PRPF31: variants seen among roughly 807,000 people sequenced by gnomAD.
The protein encoded by PRPF31 is U4/U6 small nuclear ribonucleoprotein Prp31.
In PRPF31, 12 loss-of-function variants were observed where a neutral mutation model predicts 60.4. That is an observed-to-expected ratio of 0.20 (90% CI 0.13 to 0.32). The LOEUF (loss-of-function observed/expected upper bound fraction) is 0.32, where lower values mean the gene tolerates loss of function less well. Among genes scored for constraint, PRPF31 ranks in the 10% least tolerant of loss-of-function variants. The pLI, the probability that PRPF31 is intolerant of heterozygous loss-of-function variation, is 1.00. For synonymous variants in PRPF31, 287 were observed against 287.9 expected, an observed-to-expected ratio of 1.00 and a Z score of 0.03; for missense variants, 431 against 687.1, an observed-to-expected ratio of 0.63 and a Z score of 4.17.
At chr19:54,118,763 C>A in intron 3 of PRPF31, 130 bp downstream of exon 3, 4 of 848,246 alleles carry the variant, frequency 4.7e-6, no homozygotes. Context: ...TTTTTTGTTT[C>A]ACCCCAACCC....
intron 9 of PRPF31, among the ~76,000 whole-genome samples, chr19:54,127,321 C>T (rs1262830494): frequency 2.6e-5 from 4 of 152,086 alleles, no homozygotes; most frequent in African/African-American, 9.7e-5. Context: ...CCTCTGTCTG[C>T]GGAGCCAGCC....
chr19:54,124,989 C>T lies in PRPF31; in HGVS notation c.855+333C>T, dbSNP rs140427655. ...AGGCCTAGCTCACGACAAGCAGCGTCGGGTTAGCGTGCAACTGCTCCGAAG... is the reference window on the plus strand; with the variant it reads ...AGGCCTAGCTCACGACAAGCAGCGTTGGGTTAGCGTGCAACTGCTCCGAAG... On this transcript the variant is annotated intron_variant, in intron 8 of 13. Transcript: ENST00000321030. 4,467 of 478,410 alleles carry T rather than the reference C, an allele frequency of 9.3e-3. 41 individuals are homozygous for T. The highest frequency in any genetic ancestry group is 0.03 in the South Asian group (1,319 of 44,222). 29.6% of individuals were successfully genotyped at this position (478,410 alleles called of 1,614,324 possible).
chr19:54,128,385 T>C lies in PRPF31; in HGVS notation c.1146+8T>C. ...CGTATGAGCTTCGGAGAGGTCAGACTCCCAGAGCGCCCTCCTCAACCCCAC... is the reference window on the plus strand; with the variant it reads ...CGTATGAGCTTCGGAGAGGTCAGACCCCCAGAGCGCCCTCCTCAACCCCAC... On this transcript the variant is annotated splice_region_variant and intron_variant, in intron 11 of 13. Coordinates refer to ENST00000321030, the MANE Select transcript of PRPF31 (RefSeq NM_015629.4). The C allele has an allele frequency of 6.5e-7, 1 of 1,537,648 alleles. No individual in the cohort carries two copies. The highest frequency in any genetic ancestry group is 1.2e-5 in the South Asian group (1 of 83,686).
At chr19:54,122,785 C>G (rs973195785) in intron 5 of PRPF31, 191 bp downstream of exon 5, 5 of 666,490 alleles carry the variant, frequency 7.5e-6, no homozygotes, top group African/African-American at 1.8e-5. Context: ...CCCTCCAACC[C>G]CAGTCTCCCG....
At chr19:54,122,721 C>A in intron 5 of PRPF31, 127 bp downstream of exon 5, 1 of 805,032 alleles carries the variant, frequency 1.2e-6, no homozygotes, top group South Asian at 1.4e-5. Flanking sequence ...GCTCAGTGGT[C>A]TGCTCTGCCC....
At chr19:54,116,793 G>C (rs1247246879) in intron 1 of PRPF31, among the ~76,000 whole-genome samples, 7 of 152,168 alleles carry the variant, frequency 4.6e-5, no homozygotes, top group African/African-American at 1.7e-4. Context: ...GGAGATGCTG[G>C]GCTACTAAGA....
At chr19:54,127,125 A>AAAAAC (rs1161791007) in intron 9 of PRPF31, among the ~76,000 whole-genome samples, 1 of 152,214 alleles carries the variant, frequency 6.6e-6, no homozygotes, top group Non-Finnish European at 1.5e-5. Flanking sequence ...ATCTAAAAAC[A>AAAAAC]AAAACAAAAA....
chr19:54,123,318 C>T (rs1454515774), intron 5 of PRPF31, 136 bp from the exon 6 acceptor site: 4 of 752,060 alleles, frequency 5.3e-6, no homozygotes, highest in Non-Finnish European at 9.6e-6. Context: ...GCGGTGGAGG[C>T]AGGAGAGGCC....
In PRPF31 at chr19:54,131,497, G is replaced by A; in HGVS notation, c.*65G>A. ...CACAGAGGTCCAGTCCTTCTGAAGG[G>A]CTAGGATCGGGTTCTGGCAGGGAGA... On this transcript the variant is annotated 3_prime_UTR_variant, in exon 14 of 14. Coordinates refer to ENST00000321030, the MANE Select transcript of PRPF31 (RefSeq NM_015629.4). 6.3e-7 allele frequency: 1 copy of A among 1,590,746 alleles called. No homozygotes were observed. The highest frequency in any genetic ancestry group is 8.6e-7 in the Non-Finnish European group (1 of 1,168,058).
chr19:54,127,565 G>A (rs1438348677), intron 9 of PRPF31, among the ~76,000 whole-genome samples: 1 of 152,198 alleles, frequency 6.6e-6, no homozygotes, highest in African/African-American at 2.4e-5. Context: ...TGTGTGTGTT[G>A]GTGGGGGCGT....
At chr19:54,123,631 T>G (rs1415445921) in intron 6 of PRPF31, 71 bp downstream of exon 6, 2 of 1,606,184 alleles carry the variant, frequency 1.2e-6, no homozygotes, top group Non-Finnish European at 1.7e-6. Context: ...CACACGCAGG[T>G]GTACACACGC....
intron 9 of PRPF31, among the ~76,000 whole-genome samples, chr19:54,127,574 G>A (rs950528049): frequency 6.6e-6 from 1 of 152,166 alleles, no homozygotes; most frequent in Non-Finnish European, 1.5e-5. Flanking sequence ...TGGTGGGGGC[G>A]TAATTTGCCT....
intron 10 of PRPF31, 50 bp from the exon 11 acceptor site, chr19:54,128,255 C>A: frequency 6.4e-7 from 1 of 1,557,394 alleles, no homozygotes; most frequent in Non-Finnish European, 8.7e-7. Context: ...GAGAAGCCGG[C>A]GTCCTCCTCC....
Position 54,128,383 on chromosome 19 carries a change from A to G in PRPF31, c.1146+6A>G, listed in dbSNP as rs377144143. 21 of 1,541,582 alleles carry G rather than the reference A, an allele frequency of 1.4e-5. No homozygotes were observed. Among genetic ancestry groups the G allele is most frequent in the Non-Finnish European group, 1.8e-5 (21 of 1,144,070 alleles). On this transcript the variant is annotated splice_donor_region_variant and intron_variant, in intron 11 of 13. Transcript: ENST00000321030. ...ACCGTATGAGCTTCGGAGAGGTCAG[A>G]CTCCCAGAGCGCCCTCCTCAACCCC... is the stretch of plus-strand genomic sequence containing the variant.
Position 54,123,485 on chromosome 19 carries a change from A to G in PRPF31, c.452A>G (p.Asn151Ser). Residue 151 changes from asparagine (N) to serine (S), a missense_variant, in exon 6 of 14, where the codon AAC (asparagine) becomes AGC (serine). Asn to Ser is a conservative substitution (Grantham distance 46). This residue lies in a region of PRPF31 where 113 missense variants were observed against 173.8 expected (regional missense o/e 0.65). Transcript: ENST00000321030. ...ELGNSLDKCK[N>S]NENLQQILTN... ...GGCAACAGCCTGGACAAGTGCAAGAACAATGAGAACCTGCAGCAGATCCTC... is the reference window on the plus strand; with the variant it reads ...GGCAACAGCCTGGACAAGTGCAAGAGCAATGAGAACCTGCAGCAGATCCTC... 1 of 1,614,216 alleles carries G rather than the reference A, an allele frequency of 6.2e-7. No homozygotes were observed. The highest frequency in any genetic ancestry group is 8.5e-7 in the Non-Finnish European group (1 of 1,180,030).
intron 5 of PRPF31, chr19:54,122,872 A>G: frequency 1.8e-6 from 1 of 571,322 alleles, no homozygotes; most frequent in South Asian, 2.0e-5. Context: ...TGACATCCGA[A>G]GGTTGACACA....
In PRPF31 at chr19:54,130,608, G is replaced by C. The variant is rs370355186; in HGVS notation, c.1375-699G>C. On this transcript the variant is annotated intron_variant, in intron 13 of 13. Transcript: ENST00000321030. ...CCACTGCACTTCAGCCTGGGCGACA[G>C]AGCCAGACTCTGTCTCAAAAAAAAA... Among the ~76,000 whole-genome samples the C allele has an allele frequency of 1.7e-3, 250 of 150,390 alleles. 3 individuals are homozygous for C. Among genetic ancestry groups the C allele is most frequent in the African/African-American group, 5.6e-3 (231 of 40,898 alleles).
rs112920896 is a variant in PRPF31 at position 54,124,338 on chromosome 19, G to A, written c.698-161G>A. 2.1e-4 allele frequency: 162 copies of A among 761,072 alleles called. No homozygotes were observed. The African/African-American group carries it at 2.5e-3, about 12-fold the overall frequency. The allele number at this position is 761,072 out of a possible 1,614,324, so 47.1% of individuals were successfully genotyped here. On this transcript the variant is annotated intron_variant, in intron 7 of 13. Coordinates refer to ENST00000321030, the MANE Select transcript of PRPF31 (RefSeq NM_015629.4). Reference sequence around the variant, plus strand: ...AGCCTCCTTTGCATCTGCCCCTTGCGGAATGGGCCAGGTCGCCCGCCTGGC... The same window carrying A: ...AGCCTCCTTTGCATCTGCCCCTTGCAGAATGGGCCAGGTCGCCCGCCTGGC...
At chr19:54,115,837 T>C (rs1429626137) in intron 1 of PRPF31, 40 bp downstream of exon 1, 2 of 210,458 alleles carry the variant, frequency 9.5e-6, no homozygotes, top group Non-Finnish European at 1.9e-5. Context: ...GAGGCTGGGC[T>C]CCTGGGTCTG....
Sources: gnomAD v4.1 joint callset for allele counts (sites outside exome capture counted in the v4.1 genomes callset) on GRCh38, gnomAD v4.1.1 for gene constraint, gnomAD v4.1.1 regional missense constraint, MANE v1.5 for transcripts, NCBI Gene and HGNC (gene_info 2026-07-23, HGNC 2026-07-21) for gene names.